The following OR7E24 variants were observed in gnomAD, a reference collection of about 807,000 sequenced individuals.
OR7E24 encodes the protein olfactory receptor family 7 subfamily E member 24.
For synonymous variants in OR7E24, 130 were observed against 157.5 expected (o/e 0.83, Z 1.31); for missense variants, 385 against 410.3 (o/e 0.94, Z 0.53).
rs759012639 is a variant in OR7E24 at position 9,251,618 on chromosome 19, T to G, written c.575T>G (p.Ile192Ser). Residue 192 changes from isoleucine (I) to serine (S), a missense_variant, in exon 1 of 1, where the codon ATT (isoleucine) becomes AGT (serine). Ile to Ser is a moderately radical substitution (Grantham distance 142). Transcript: ENST00000456448. ...LQLTCFKDVD[I>S]SNFFCDPSQL... ...CTCACCTGCTTCAAGGATGTGGACA[T>G]TTCTAATTTCTTCTGTGACCCTTCT... The G allele has an allele frequency of 5.0e-6, 8 of 1,613,404 alleles. No individual in the cohort carries two copies. The Middle Eastern group carries it at 5.0e-4, about 100-fold the overall frequency.
the OR7E24 span, chr19:9,235,549 A>C: frequency 6.4e-6 from 10 of 1,553,272 alleles, no homozygotes; most frequent in South Asian, 1.1e-4. Context: ...CATGGTCATC[A>C]TAAACCCCCA....
the OR7E24 span, among the ~76,000 whole-genome samples, chr19:9,239,076 C>T: frequency 6.6e-6 from 1 of 152,172 alleles, no homozygotes. Flanking sequence ...TTAGAAGGAA[C>T]CTTCATACTG....
chr19:9,234,891 T>C, the OR7E24 span, among the ~76,000 whole-genome samples: 1 of 152,140 alleles, frequency 6.6e-6, no homozygotes. Context: ...AAGGATCCTA[T>C]CAAAGAAGAA....
chr19:9,234,296 T>C, the OR7E24 span, among the ~76,000 whole-genome samples: 1 of 152,208 alleles, frequency 6.6e-6, no homozygotes, highest in Admixed American at 6.5e-5. Context: ...AAATTACACC[T>C]ATGTATTGTA....
the OR7E24 span, chr19:9,209,217 C>G: frequency 6.6e-6 from 1 of 151,864 alleles, no homozygotes; most frequent in African/African-American, 2.4e-5. Context: ...ATTTATGGAC[C>G]CTTCATCACT....
the OR7E24 span, among the ~76,000 whole-genome samples, chr19:9,241,288 G>A: frequency 6.6e-6 from 1 of 152,130 alleles, no homozygotes; most frequent in East Asian, 1.9e-4. Flanking sequence ...GGTTCAATCT[G>A]TCTAAGTGGT....
rs750895266 is a variant in OR7E24, at chr19:9,251,484, C to A, written c.441C>A (p.Pro147=). Residue 147 remains proline, a synonymous_variant, in exon 1 of 1, where the codon CCC becomes CCA. Coordinates refer to ENST00000456448, the MANE Select transcript of OR7E24 (RefSeq NM_001079935.2). ...AYDRFVAICH[P]LHYRIIMNPR... ...ACCGGTTTGTGGCCATCTGTCACCC[C>A]CTGCACTACCGAATCATCATGAACC... 1 of 1,614,100 alleles carries A rather than the reference C, an allele frequency of 6.2e-7. No individual in the cohort carries two copies. The highest frequency in any genetic ancestry group is 8.5e-7 in the Non-Finnish European group (1 of 1,180,010).
chr19:9,239,778 G>C, the OR7E24 span, among the ~76,000 whole-genome samples: 1 of 147,500 alleles, frequency 6.8e-6, no homozygotes, highest in East Asian at 2.0e-4. Context: ...GTGCAATCTG[G>C]GCTCACTGCA....
At chr19:9,226,305 G>A in the OR7E24 span, among the ~76,000 whole-genome samples, 1 of 152,156 alleles carries the variant, frequency 6.6e-6, no homozygotes, top group African/African-American at 2.4e-5. Flanking sequence ...GTTTTGCCAC[G>A]AGAGTATACT....
At chr19:9,225,448 G>T in the OR7E24 span, among the ~76,000 whole-genome samples, 3 of 139,058 alleles carry the variant, frequency 2.2e-5, no homozygotes, top group South Asian at 7.8e-4. Flanking sequence ...AGAAAGAAAA[G>T]AGAGGGAGGG....
At chr19:9,221,208 C>T in the OR7E24 span, among the ~76,000 whole-genome samples, 1 of 150,286 alleles carries the variant, frequency 6.7e-6, no homozygotes, top group African/African-American at 2.4e-5. Context: ...GGAGGGGGAG[C>T]TTGCAGTGAG....
At chr19:9,238,797 TTTCACTTACCAG>T in the OR7E24 span, among the ~76,000 whole-genome samples, 5 of 152,376 alleles carry the variant, frequency 3.3e-5, no homozygotes, top group South Asian at 1.0e-3. Context: ...GCGTGGTTTA[TTTCACTTACCAG>T]AAAGTCCTGC....
chr19:9,210,401 G>A, the OR7E24 span: 7 of 152,196 alleles, frequency 4.6e-5, no homozygotes, highest in African/African-American at 1.7e-4. Context: ...GAGACCAGAA[G>A]TTCAAGACCA....
the OR7E24 span, among the ~76,000 whole-genome samples, chr19:9,225,390 G>A: frequency 1.4e-5 from 2 of 144,814 alleles, no homozygotes; most frequent in Non-Finnish European, 3.0e-5. Context: ...AAGGAAGGAA[G>A]GAGGGGAAGG....
At chr19:9,220,022 T>C in the OR7E24 span, among the ~76,000 whole-genome samples, 1 of 152,062 alleles carries the variant, frequency 6.6e-6, no homozygotes, top group Admixed American at 6.6e-5. Flanking sequence ...CAAAAATGTC[T>C]TTTCTTTTTA....
In OR7E24 at chr19:9,251,752, T is replaced by C. The variant is rs1331821320; in HGVS notation, c.709T>C (p.Tyr237His). The C allele has an allele frequency of 6.2e-7, 1 of 1,611,656 alleles. No homozygotes were observed. The highest frequency in any genetic ancestry group is 1.7e-5 in the Admixed American group (1 of 59,572). ...LPISGILFSY[Y>H]KIVSPILRVP... ...TATCTCAGGGATCCTTTTCTCTTACTATAAAATTGTTTCCCCCATTCTGAG... is the reference window on the plus strand; with the variant it reads ...TATCTCAGGGATCCTTTTCTCTTACCATAAAATTGTTTCCCCCATTCTGAG... The change falls in exon 1 of 1, where the codon TAT becomes CAT. Residue 237 changes from tyrosine (Y) to histidine (H), a missense_variant. Physicochemically the swap from Tyr to His is moderately conservative, Grantham distance 83 (BLOSUM62 2). Transcript: ENST00000456448.
At chr19:9,250,687 G>T (rs1313326029), upstream of OR7E24, among the ~76,000 whole-genome samples, 1 of 152,116 alleles carries the variant, frequency 6.6e-6, no homozygotes, top group African/African-American at 2.4e-5. Context: ...AATAAAACAA[G>T]ACATAGCTGA....
At chr19:9,212,132 T>C in the OR7E24 span, 1 of 152,224 alleles carries the variant, frequency 6.6e-6, no homozygotes, top group African/African-American at 2.4e-5. Flanking sequence ...AGGAATGCAA[T>C]GTGAAATAAC....
At chr19:9,224,862 A>G in the OR7E24 span, among the ~76,000 whole-genome samples, 2 of 152,184 alleles carry the variant, frequency 1.3e-5, no homozygotes, top group Non-Finnish European at 2.9e-5. Flanking sequence ...AATATGGCCC[A>G]AGCATAGGGG....
Sources: allele counts gnomAD v4.1 joint callset (sites outside exome capture counted in the v4.1 genomes callset), GRCh38; gene constraint gnomAD v4.1.1; transcripts MANE v1.5; gene names NCBI Gene and HGNC (gene_info 2026-07-23, HGNC 2026-07-21).